ELK4: variants seen among roughly 807,000 people sequenced by gnomAD.
ELK4 encodes ETS transcription factor ELK4.
ELK4 carries 16 observed loss-of-function variants against 29.6 expected under a neutral mutation model. The observed-to-expected ratio is 0.54, with a 90% CI of 0.37 to 0.82. The LOEUF is 0.82. Ranked by LOEUF, ELK4 falls within the 40% of genes least tolerant of loss-of-function variation. The pLI is 0.00. For missense variants in ELK4, 465 were observed against 507.1 expected (o/e 0.92, Z 0.80); for synonymous variants, 213 against 191.1 (o/e 1.11, Z -0.95).
At position 205,612,655 on chromosome 1, in the gene ELK4, G is replaced by C. The variant is rs1053488409; in HGVS notation, c.*3891C>G. ...GCTTACATTCACCAAAAACATAAAA[G>C]GACACCTTTAAGAACTTAAGAATCA... On this transcript the variant is annotated 3_prime_UTR_variant, in exon 5 of 5. Coordinates refer to ENST00000357992, the MANE Select transcript of ELK4 (RefSeq NM_001973.4). 2.4e-5 allele frequency: 5 copies of C among 209,040 alleles called. No homozygotes were observed. In the Admixed American group the frequency reaches 3.0e-4, roughly 12 times the overall value. 12.9% of individuals were successfully genotyped at this position (209,040 alleles called of 1,614,324 possible). A position where few individuals can be genotyped will look rare whatever the true frequency, so the allele number is the denominator to read the frequency against.
Position 205,619,016 on chromosome 1 carries a change from G to C in ELK4, c.1138C>G (p.Leu380Val). 1 of 1,611,796 alleles carries C rather than the reference G, an allele frequency of 6.2e-7. No homozygotes were observed. Among genetic ancestry groups the C allele is most frequent in the Non-Finnish European group, 8.5e-7 (1 of 1,179,174 alleles). ...LLSSIHFWST[L>V]SPVAPLSPAR... Reference sequence around the variant, plus strand: ...GGACTTAGGGGAGCAACAGGACTGAGAGTACTCCAGAAGTGGATACTGGAG... The same window carrying C: ...GGACTTAGGGGAGCAACAGGACTGACAGTACTCCAGAAGTGGATACTGGAG... The change falls in exon 4 of 5, where the codon CTC (leucine) becomes GTC (valine). Residue 380 changes from leucine to valine, a missense_variant. By Grantham distance (32) the Leu-to-Val change is conservative. Around this residue, in one of 2 missense-constraint regions of ELK4, gnomAD observed 80 missense variants for 119.6 expected, o/e 0.67. Coordinates refer to ENST00000357992, the MANE Select transcript of ELK4 (RefSeq NM_001973.4).
At chr1:205,626,277 G>C (rs896778147) in intron 1 of ELK4, 1 of 408,654 alleles carries the variant, frequency 2.4e-6, no homozygotes, top group African/African-American at 2.0e-5. Flanking sequence ...CTTAATGTTT[G>C]AGGCTTTCTT....
In ELK4 at chr1:205,620,382, T is replaced by C; in HGVS notation, c.664A>G (p.Ile222Val). 15 of 1,614,178 alleles carry C rather than the reference T, an allele frequency of 9.3e-6. No homozygotes were observed. The highest frequency in any genetic ancestry group is 2.2e-5 in the South Asian group (2 of 91,080). ...PSISPSSEET[I>V]QALETLVSPK... ...GAAACCAATGTCTCCAAAGCTTGGA[T>C]AGTTTCTTCTGAAGATGGAGAAATA... Residue 222 changes from isoleucine (I) to valine (V), a missense_variant, in exon 3 of 5, where the codon ATC becomes GTC. Transcript: ENST00000357992.
intron 1 of ELK4, among the ~76,000 whole-genome samples, chr1:205,630,772 A>G (rs1670566778): frequency 6.6e-6 from 1 of 152,220 alleles, no homozygotes. Flanking sequence ...ATTGAATCAT[A>G]CTACATTTTA....
intron 1 of ELK4, among the ~76,000 whole-genome samples, chr1:205,624,451 TC>T (rs2102382623): frequency 6.6e-6 from 1 of 152,144 alleles, no homozygotes; most frequent in Non-Finnish European, 1.5e-5. Context: ...CCAACTGGTT[TC>T]CATCACCATA....
chr1:205,610,311 C>T lies in ELK4; in HGVS notation c.*6235G>A, dbSNP rs1670133321. On this transcript the variant is annotated 3_prime_UTR_variant, in exon 5 of 5. Coordinates refer to ENST00000357992, the MANE Select transcript of ELK4 (RefSeq NM_001973.4). ...ATCATTCAGCCCAAGACACTCCACT[C>T]TGAGGTTTTGGCTAATACTAATGAC... 1 of 231,478 alleles carries T rather than the reference C, an allele frequency of 4.3e-6. No individual in the cohort carries two copies. The highest frequency in any genetic ancestry group is 8.5e-6 in the Non-Finnish European group (1 of 117,014). 14.3% of individuals were successfully genotyped at this position (231,478 alleles called of 1,614,324 possible).
rs771696782 is a variant in ELK4, at chr1:205,620,760, T to C, written c.286A>G (p.Met96Val). Residue 96 changes from methionine (M) to valine (V), a missense_variant, in exon 3 of 5, where the codon ATG (methionine) becomes GTG (valine). Physicochemically the swap from Met to Val is conservative, Grantham distance 21. Transcript: ENST00000357992. ...SYPEILNMDP[M>V]TVGRIEGDCE... is the part of the protein sequence containing the mutation. ...TCACCCTCAATCCTGCCCACTGTCA[T>C]TGGATCCATGTTCAAAATCTCTGGA... is the stretch of plus-strand genomic sequence containing the variant. 9.9e-6 allele frequency: 16 copies of C among 1,614,006 alleles called. No homozygotes were observed. Among genetic ancestry groups the C allele is most frequent in the East Asian group, 6.7e-5 (3 of 44,902 alleles).
rs1670173575 is a variant in ELK4, at chr1:205,612,910, A to C, written c.*3636T>G. The C allele has an allele frequency of 9.8e-6, 2 of 204,092 alleles. No individual in the cohort carries two copies. Among genetic ancestry groups the C allele is most frequent in the Admixed American group, 6.0e-5 (1 of 16,710 alleles). 12.6% of individuals were successfully genotyped at this position (204,092 alleles called of 1,614,324 possible). Reference sequence around the variant, plus strand: ...ATCCAGTAGCCTAATAGAGGCTCATAGGTTTACTGTCCCTATCAAAATTTC... The same window carrying C: ...ATCCAGTAGCCTAATAGAGGCTCATCGGTTTACTGTCCCTATCAAAATTTC... On this transcript the variant is annotated 3_prime_UTR_variant, in exon 5 of 5. Transcript: ENST00000357992.
rs1558018352 is a variant in ELK4, at chr1:205,612,433, AT to A, written c.*4112del. ...CCATCCTTCACTTCAATTTTTGTGT[AT>A]TTTTTTATAACACACATATTACTTT... On this transcript the variant is annotated 3_prime_UTR_variant, in exon 5 of 5. Coordinates refer to ENST00000357992, the MANE Select transcript of ELK4 (RefSeq NM_001973.4). 9.2e-6 allele frequency: 2 copies of A among 216,568 alleles called. No homozygotes were observed. Among genetic ancestry groups the A allele is most frequent in the Admixed American group, 5.8e-5 (1 of 17,170 alleles). 13.4% of individuals were successfully genotyped at this position (216,568 alleles called of 1,614,324 possible). A position where few individuals can be genotyped will look rare whatever the true frequency, so the allele number is the denominator to read the frequency against.
Position 205,612,653 on chromosome 1 carries a change from A to T in ELK4, c.*3893T>A. 1 of 209,378 alleles carries T rather than the reference A, an allele frequency of 4.8e-6. No homozygotes were observed. The highest frequency in any genetic ancestry group is 9.7e-6 in the Non-Finnish European group (1 of 102,990). The allele number at this position is 209,378 out of a possible 1,614,324, so 13.0% of individuals were successfully genotyped here. Reference sequence around the variant, plus strand: ...GTGCTTACATTCACCAAAAACATAAAAGGACACCTTTAAGAACTTAAGAAT... The same window carrying T: ...GTGCTTACATTCACCAAAAACATAATAGGACACCTTTAAGAACTTAAGAAT... On this transcript the variant is annotated 3_prime_UTR_variant, in exon 5 of 5. Coordinates refer to ENST00000357992, the MANE Select transcript of ELK4 (RefSeq NM_001973.4).
At position 205,616,578 on chromosome 1, in the gene ELK4, C is replaced by T; in HGVS notation, c.1264G>A (p.Gly422Ser). The T allele has an allele frequency of 6.2e-7, 1 of 1,614,130 alleles. No homozygotes were observed. Reference protein sequence around the residue: ...LSGLDGPSTPGPFSPDLQKT With the variant: ...LSGLDGPSTPSPFSPDLQKT ...TTCTGTAGGTCTGGGGAAAATGGGC[C>T]AGGGGTGGAAGGTCCATCCAGCCCA... Residue 422 changes from glycine (G) to serine (S), a missense_variant, in exon 5 of 5, where the codon GGC becomes AGC. Gly to Ser is a moderately conservative substitution (Grantham distance 56). Coordinates refer to ENST00000357992, the MANE Select transcript of ELK4 (RefSeq NM_001973.4).
chr1:205,617,287 CCT>C (rs1341996624), intron 4 of ELK4, among the ~76,000 whole-genome samples: 5 of 152,120 alleles, frequency 3.3e-5, no homozygotes, highest in East Asian at 1.9e-4. Context: ...TTTTAATTTT[CCT>C]CTTTTTCCCT....
rs1349688310 is a variant in ELK4 at position 205,620,193 on chromosome 1, C to G, written c.853G>C (p.Val285Leu). Residue 285 changes from valine to leucine, a missense_variant, in exon 3 of 5, where the codon GTG becomes CTG. Val to Leu is a conservative substitution (Grantham distance 32). Coordinates refer to ENST00000357992, the MANE Select transcript of ELK4 (RefSeq NM_001973.4). ...HPDIDTDIDS[V>L]ASQPMELPEN... Reference sequence around the variant, plus strand: ...GGAAGTTCCATTGGCTGAGAAGCCACTGAATCAATGTCTGTGTCGATGTCT... The same window carrying G: ...GGAAGTTCCATTGGCTGAGAAGCCAGTGAATCAATGTCTGTGTCGATGTCT... 6.2e-7 allele frequency: 1 copy of G among 1,614,100 alleles called. No individual in the cohort carries two copies. Among genetic ancestry groups the G allele is most frequent in the East Asian group, 2.2e-5 (1 of 44,904 alleles).
intron 2 of ELK4, among the ~76,000 whole-genome samples, chr1:205,623,111 T>A (rs1197102011): frequency 7.1e-6 from 1 of 140,830 alleles, no homozygotes; most frequent in Non-Finnish European, 1.5e-5. Context: ...TAAGCCAAGA[T>A]CGCACCATTG....
intron 2 of ELK4, among the ~76,000 whole-genome samples, chr1:205,623,278 T>C (rs1670386380): frequency 4.6e-5 from 7 of 151,630 alleles, no homozygotes; most frequent in Admixed American, 4.6e-4. Context: ...AACTAGGAAA[T>C]TGGTATCTAT....
chr1:205,617,644 G>C (rs1271865528), intron 4 of ELK4, among the ~76,000 whole-genome samples: 2 of 151,736 alleles, frequency 1.3e-5, no homozygotes, highest in Non-Finnish European at 2.9e-5. Context: ...GCTCATGCCT[G>C]TAATCCCAGC....
At position 205,611,935 on chromosome 1, in the gene ELK4, T is replaced by G. The variant is rs12739143; in HGVS notation, c.*4611A>C. 0.012 allele frequency: 2,146 copies of G among 186,184 alleles called. 20 individuals are homozygous for G. The highest frequency in any genetic ancestry group is 0.039 in the Middle Eastern group (20 of 512). The allele number at this position is 186,184 out of a possible 1,614,324, so 11.5% of individuals were successfully genotyped here. On this transcript the variant is annotated 3_prime_UTR_variant, in exon 5 of 5. Transcript: ENST00000357992. ...ATATCAGATTTTAAAAATCAAAAAC[T>G]TATTAATGCAGCAAGAAAATGTAAC...
Position 205,620,833 on chromosome 1 carries a change from G to C in ELK4, c.213C>G (p.Ile71Met). ...RALRYYYVKN[I>M]IKKVNGQKFV... is the part of the protein sequence containing the mutation. Reference sequence around the variant, plus strand: ...ACTTCTGACCATTCACTTTTTTGATGATATTCTGTAGGTTAAAAAAAAAAG... The same window carrying C: ...ACTTCTGACCATTCACTTTTTTGATCATATTCTGTAGGTTAAAAAAAAAAG... The change falls in exon 3 of 5, where the codon ATC becomes ATG. Residue 71 changes from isoleucine (I) to methionine (M), a missense_variant. Transcript: ENST00000357992. 1 of 1,605,550 alleles carries C rather than the reference G, an allele frequency of 6.2e-7. No individual in the cohort carries two copies. Among genetic ancestry groups the C allele is most frequent in the Non-Finnish European group, 8.5e-7 (1 of 1,177,246 alleles).
In ELK4 at chr1:205,620,590, G is replaced by A. The variant is rs1271571204; in HGVS notation, c.456C>T (p.Leu152=). ...IHSGLYSSFT[L]NSLNSSNVKL... ...TTACATTGGAGGAGTTCAAAGAGTTGAGAGTAAATGAAGAATATAAGCCAG... is the reference window on the plus strand; with the variant it reads ...TTACATTGGAGGAGTTCAAAGAGTTAAGAGTAAATGAAGAATATAAGCCAG... The change falls in exon 3 of 5, where the codon CTC becomes CTT. Residue 152 remains leucine, a synonymous_variant. Transcript: ENST00000357992. 1.2e-6 allele frequency: 2 copies of A among 1,614,156 alleles called. No homozygotes were observed. The highest frequency in any genetic ancestry group is 1.7e-6 in the Non-Finnish European group (2 of 1,180,036).
Sources: gnomAD v4.1 joint callset for allele counts (sites outside exome capture counted in the v4.1 genomes callset) on GRCh38, gnomAD v4.1.1 for gene constraint, gnomAD v4.1.1 regional missense constraint, MANE v1.5 for transcripts, NCBI Gene and HGNC (gene_info 2026-07-23, HGNC 2026-07-21) for gene names.